Variants in MS4A7 observed in about 807,000 individuals in gnomAD.
The protein encoded by MS4A7 is membrane spanning 4-domains A7, also known as membrane-spanning 4-domains subfamily A member 7.
A neutral mutation model predicts 23.5 loss-of-function variants in MS4A7; 21 were observed. The observed-to-expected ratio is 0.89, with a 90% confidence interval of 0.63 to 1.29. The LOEUF is 1.29. Among genes scored for constraint, MS4A7 ranks in the 50% most tolerant of loss-of-function variants. The pLI is 0.00. For synonymous variants in MS4A7, 111 were observed against 107.4 expected, an observed-to-expected ratio of 1.03 and a Z score of -0.21; for missense variants, 263 against 274.2, an observed-to-expected ratio of 0.96 and a Z score of 0.29.
chr11:60,393,403 G>C (rs2085574981), intron 6 of MS4A7, among the ~76,000 whole-genome samples: 1 of 152,118 alleles, frequency 6.6e-6, no homozygotes, highest in Non-Finnish European at 1.5e-5. Flanking sequence ...AGTCTCCCTA[G>C]CCAAGTTTCC....
intron 5 of MS4A7, 58 bp downstream of exon 5, chr11:60,389,654 A>C: frequency 6.7e-7 from 1 of 1,489,818 alleles, no homozygotes. Context: ...TCCCCTTTGC[A>C]TACTCTCTGC....
chr11:60,393,118 C>G (rs1485124575), intron 6 of MS4A7, among the ~76,000 whole-genome samples: 1 of 149,848 alleles, frequency 6.7e-6, no homozygotes, highest in Non-Finnish European at 1.5e-5. Flanking sequence ...GAGACTCAGT[C>G]TCAAAAAAAA....
chr11:60,392,703 C>G lies in MS4A7; in HGVS notation c.565C>G (p.Leu189Val), dbSNP rs143858799. 16 of 1,613,734 alleles carry G rather than the reference C, an allele frequency of 9.9e-6. No individual in the cohort carries two copies. The highest frequency in any genetic ancestry group is 1.7e-4 in the Middle Eastern group (1 of 5,948). The change falls in exon 6 of 7, where the codon CTC becomes GTC. Residue 189 changes from leucine to valine, a missense_variant. Coordinates refer to ENST00000300184, the MANE Select transcript of MS4A7 (RefSeq NM_021201.5). Reference sequence around the variant, plus strand: ...TTTGCAGGGTGTCCTAGTGGTGATGCTCATCTTCACTGTGCTGGAGCTCTT... The same window carrying G: ...TTTGCAGGGTGTCCTAGTGGTGATGGTCATCTTCACTGTGCTGGAGCTCTT... ...VSLTGVLVVMLIFTVLELLLA... is the reference protein window; with the variant it reads ...VSLTGVLVVMVIFTVLELLLA...
intron 4 of MS4A7, 84 bp downstream of exon 4, chr11:60,386,857 T>G: frequency 8.3e-7 from 1 of 1,200,404 alleles, no homozygotes; most frequent in Non-Finnish European, 1.2e-6. Context: ...AATCCCTATT[T>G]TACAATTTAG....
intron 2 of MS4A7, 120 bp from the exon 3 acceptor site, chr11:60,384,968 C>A: frequency 1.1e-6 from 1 of 901,566 alleles, no homozygotes; most frequent in Non-Finnish European, 1.6e-6. Context: ...TAACATTTTT[C>A]CTCTTTAATA....
chr11:60,389,827 C>T (rs2085532537), intron 5 of MS4A7: 1 of 520,080 alleles, frequency 1.9e-6, no homozygotes, highest in East Asian at 3.4e-5. Flanking sequence ...GAGTCTATCC[C>T]TCCACTGGTC....
Position 60,394,925 on chromosome 11 carries a change from T to C in MS4A7, c.*1064T>C. On this transcript the variant is annotated 3_prime_UTR_variant, in exon 7 of 7. Transcript: ENST00000300184. ...TATTCAGTCGTTGGCACATAAACTATGTTCTCTTCTGTCATTTCAGGGTAG... is the reference window on the plus strand; with the variant it reads ...TATTCAGTCGTTGGCACATAAACTACGTTCTCTTCTGTCATTTCAGGGTAG... 3.2e-6 allele frequency: 2 copies of C among 633,366 alleles called. No homozygotes were observed. The highest frequency in any genetic ancestry group is 5.8e-6 in the Non-Finnish European group (2 of 346,206). 39.2% of individuals were successfully genotyped at this position (633,366 alleles called of 1,614,324 possible). A position where few individuals can be genotyped will look rare whatever the true frequency, so the allele number is the denominator to read the frequency against.
chr11:60,392,016 A>T (rs1365474603), intron 5 of MS4A7, among the ~76,000 whole-genome samples: 4 of 152,182 alleles, frequency 2.6e-5, no homozygotes, highest in Admixed American at 2.6e-4. Flanking sequence ...AAATGAAATC[A>T]CATACTTGGA....
intron 3 of MS4A7, among the ~76,000 whole-genome samples, chr11:60,385,679 C>A (rs1050071969): frequency 1.3e-5 from 2 of 152,132 alleles, no homozygotes; most frequent in African/African-American, 4.8e-5. Context: ...GGGTAAGATT[C>A]ATGGGAGGCA....
chr11:60,389,174 C>G, intron 4 of MS4A7: 2 of 551,852 alleles, frequency 3.6e-6, no homozygotes, highest in East Asian at 6.1e-5. Flanking sequence ...ATTATCCATG[C>G]ATTTTCTTAT....
At chr11:60,386,613 TA>T in intron 3 of MS4A7, 103 bp from the exon 4 acceptor site, 1 of 921,528 alleles carries the variant, frequency 1.1e-6, no homozygotes, top group Admixed American at 2.0e-5. Context: ...GTTCTCTCCC[TA>T]AAAGTTTTCC....
intron 6 of MS4A7, 133 bp from the exon 7 acceptor site, chr11:60,393,654 G>A (rs2085578118): frequency 2.0e-6 from 1 of 500,122 alleles, no homozygotes; most frequent in African/African-American, 2.0e-5. Context: ...AATTAATATT[G>A]CTGCAATTAC....
chr11:60,391,219 C>T (rs1473829591), intron 5 of MS4A7, among the ~76,000 whole-genome samples: 1 of 152,212 alleles, frequency 6.6e-6, no homozygotes, highest in Non-Finnish European at 1.5e-5. Context: ...AGAAAACCTT[C>T]CGTCAGCTCA....
intron 3 of MS4A7, 83 bp downstream of exon 3, chr11:60,385,305 A>G (rs751628971): frequency 5.3e-6 from 8 of 1,510,272 alleles, no homozygotes; most frequent in Non-Finnish European, 7.2e-6. Flanking sequence ...TCAGACTCCA[A>G]GAGGCCAGGA....
intron 1 of MS4A7, 63 bp from the exon 2 acceptor site, chr11:60,383,066 C>G: frequency 6.4e-7 from 1 of 1,552,270 alleles, no homozygotes; most frequent in African/African-American, 1.4e-5. Context: ...AGTATGGTCC[C>G]TGGGAAGTTT....
At chr11:60,385,247 G>A in intron 3 of MS4A7, 25 bp downstream of exon 3, 2 of 1,613,502 alleles carry the variant, frequency 1.2e-6, no homozygotes, top group Non-Finnish European at 1.7e-6. Flanking sequence ...GACTCTAAGA[G>A]GGGACATGCT....
At chr11:60,387,442 C>T (rs1408163919) in intron 4 of MS4A7, among the ~76,000 whole-genome samples, 1 of 152,104 alleles carries the variant, frequency 6.6e-6, no homozygotes, top group Non-Finnish European at 1.5e-5. Flanking sequence ...AGTCAAATAT[C>T]AGGTGGGGAG....
chr11:60,392,192 G>A (rs1019821912), intron 5 of MS4A7, among the ~76,000 whole-genome samples: 1 of 152,032 alleles, frequency 6.6e-6, no homozygotes, highest in African/African-American at 2.4e-5. Context: ...TAAAAGGTAT[G>A]ATGGATGCAG....
intron 5 of MS4A7, among the ~76,000 whole-genome samples, chr11:60,390,556 T>C (rs1271210449): frequency 6.6e-6 from 1 of 152,112 alleles, no homozygotes; most frequent in Non-Finnish European, 1.5e-5. Context: ...CCCCTTTGGT[T>C]CAGGAGCTTG....
Sources: allele counts gnomAD v4.1 joint callset (sites outside exome capture counted in the v4.1 genomes callset), GRCh38; gene constraint gnomAD v4.1.1; transcripts MANE v1.5; gene names NCBI Gene and HGNC (gene_info 2026-07-23, HGNC 2026-07-21).